The following CARHSP1 variants were observed in gnomAD, a reference collection of about 807,000 sequenced individuals.
CARHSP1 encodes calcium-regulated heat-stable protein 1.
Under a neutral mutation model 12.5 loss-of-function variants are expected in CARHSP1, and 14 were observed. The observed-to-expected ratio is 1.12, with a 90% CI of 0.74 to 1.75. The LOEUF is 1.75. CARHSP1 is among the 40% of genes most tolerant of loss of function. CARHSP1 has a pLI of 0.00. For synonymous variants in CARHSP1, 161 were observed against 82.0 expected (o/e 1.96, Z -5.20); for missense variants, 343 against 201.6 (o/e 1.70, Z -4.25).
intron 1 of CARHSP1, among the ~76,000 whole-genome samples, chr16:8,861,266 A>G (rs1232642188): frequency 1.5e-5 from 2 of 134,702 alleles, no homozygotes; most frequent in African/African-American, 5.7e-5. Flanking sequence ...GGATTCTCCC[A>G]CCTCTTCCTC....
intron 2 of CARHSP1, 106 bp from the exon 3 acceptor site, chr16:8,858,578 C>T (rs2061232342): frequency 2.9e-6 from 4 of 1,379,150 alleles, no homozygotes; most frequent in African/African-American, 1.4e-5. Flanking sequence ...CTGGCCAGGA[C>T]CGCCATGTAC....
At chr16:8,862,664 C>T (rs1045812965) in intron 1 of CARHSP1, among the ~76,000 whole-genome samples, 22 of 152,098 alleles carry the variant, frequency 1.4e-4, no homozygotes, top group African/African-American at 5.1e-4. Context: ...GAGGCTGTTC[C>T]AGGTATAGGG....
chr16:8,856,175 T>G (rs906383895), intron 3 of CARHSP1, among the ~76,000 whole-genome samples: 1 of 152,184 alleles, frequency 6.6e-6, no homozygotes, highest in African/African-American at 2.4e-5. Context: ...CCTCTCCCTG[T>G]GACCACCCCC....
chr16:8,863,851 C>T (rs916976907), intron 1 of CARHSP1, among the ~76,000 whole-genome samples: 2 of 152,190 alleles, frequency 1.3e-5, no homozygotes, highest in East Asian at 1.9e-4. Flanking sequence ...TACACACATA[C>T]ACAAGGATGG....
At chr16:8,865,630 C>T (rs191663660) in intron 1 of CARHSP1, among the ~76,000 whole-genome samples, 7 of 152,330 alleles carry the variant, frequency 4.6e-5, no homozygotes, top group Admixed American at 3.3e-4. Flanking sequence ...GGAGCCAGCC[C>T]ACTGCTGGCA....
In CARHSP1 at chr16:8,859,097, A is replaced by G. The variant is rs182582047; in HGVS notation, c.158+74T>C. The G allele has an allele frequency of 3.4e-4, 487 of 1,417,242 alleles. 2 individuals are homozygous for G. The Middle Eastern group carries it at 5.4e-3, about 16-fold the overall frequency. The allele number at this position is 1,417,242 out of a possible 1,614,324, so 87.8% of individuals were successfully genotyped here. A position where few individuals can be genotyped will look rare whatever the true frequency, so the allele number is the denominator to read the frequency against. Reference sequence around the variant, plus strand: ...CCGGGACATAGGCCCAAAAATGGCCAGAGACACAGTGAATCTCTGGCCTCA... The same window carrying G: ...CCGGGACATAGGCCCAAAAATGGCCGGAGACACAGTGAATCTCTGGCCTCA... On this transcript the variant is annotated intron_variant, in intron 2 of 3. Coordinates refer to ENST00000311052, the MANE Select transcript of CARHSP1 (RefSeq NM_014316.4).
rs1315960023 is a variant in CARHSP1, at chr16:8,857,263, G to GTTTTTTGTTTTTTGTTTTTTTT, written c.281+1086_281+1087insAAAAAAAACAAAAAACAAAAAA. ...TGGCTATGTGATCTTGGGCAGATCT[G>GTTTTTTGTTTTTTGTTTTTTTT]TTTTTTTTTTTTTTTTTTTTTTTTT... is the stretch of plus-strand genomic sequence containing the variant. On this transcript the variant is annotated intron_variant, in intron 3 of 3. Transcript: ENST00000311052. Among the ~76,000 whole-genome samples, 72 of 57,036 alleles carry GTTTTTTGTTTTTTGTTTTTTTT rather than the reference G, an allele frequency of 1.3e-3. 6 individuals are homozygous for GTTTTTTGTTTTTTGTTTTTTTT. The highest frequency in any genetic ancestry group is 5.4e-3 in the East Asian group (6 of 1,120). The allele number at this position is 57,036 out of a possible 152,430, so 37.4% of individuals were successfully genotyped here.
chr16:8,862,874 C>A (rs1371427412), intron 1 of CARHSP1, among the ~76,000 whole-genome samples: 3 of 152,118 alleles, frequency 2.0e-5, no homozygotes, highest in African/African-American at 7.2e-5. Context: ...ATTTGTCACA[C>A]CCATTTTCCC....
At chr16:8,861,158 ATTTTTTTTT>A (rs765114977) in intron 1 of CARHSP1, among the ~76,000 whole-genome samples, 2 of 51,268 alleles carry the variant, frequency 3.9e-5, no homozygotes, top group African/African-American at 8.6e-5. Context: ...TCCATGCCTA[ATTTTTTTTT>A]TTTTTTTTTT....
chr16:8,861,859 G>A (rs1343825558), intron 1 of CARHSP1: 20 of 1,180,016 alleles, frequency 1.7e-5, no homozygotes, highest in Non-Finnish European at 2.0e-5. Context: ...GGAGGGGAGG[G>A]CCCTGTCCAG....
At chr16:8,859,967 ACT>A (rs3075098) in intron 1 of CARHSP1, 11,777 of 182,034 alleles carry the variant, frequency 0.065, 602 homozygotes, top group Admixed American at 0.2. Context: ...ACAGAGCAAG[ACT>A]CTGTCTCAAA....
At chr16:8,866,443 C>G in intron 1 of CARHSP1, 1 of 985,406 alleles carries the variant, frequency 1.0e-6, no homozygotes, top group Non-Finnish European at 1.2e-6. Context: ...TGGGTTCCTC[C>G]TTTGTAAACA....
chr16:8,864,353 T>G (rs1005936711), intron 1 of CARHSP1, among the ~76,000 whole-genome samples: 1 of 152,158 alleles, frequency 6.6e-6, no homozygotes, highest in Non-Finnish European at 1.5e-5. Context: ...ACAGGGGACC[T>G]TGATGAACTC....
intron 1 of CARHSP1, chr16:8,866,406 A>T (rs1035540224): frequency 4.1e-6 from 4 of 982,302 alleles, no homozygotes; most frequent in Non-Finnish European, 3.6e-6. Flanking sequence ...AGACTCTAGC[A>T]GAGTAGCGAA....
At chr16:8,867,713 C>T (rs2061474311) in intron 1 of CARHSP1, 1 of 152,434 alleles carries the variant, frequency 6.6e-6, no homozygotes, top group Non-Finnish European at 1.5e-5. Context: ...TCACGGTCAT[C>T]ACCGAGGCCA....
chr16:8,859,439 T>C, intron 1 of CARHSP1, 104 bp from the exon 2 acceptor site: 1 of 1,037,292 alleles, frequency 9.6e-7, no homozygotes, highest in Non-Finnish European at 1.4e-6. Flanking sequence ...GGCTCATTCC[T>C]CTCGGGCACC....
chr16:8,865,256 T>C (rs150862797), intron 1 of CARHSP1, among the ~76,000 whole-genome samples: 1 of 152,156 alleles, frequency 6.6e-6, no homozygotes, highest in East Asian at 1.9e-4. Flanking sequence ...ACTACAGGCA[T>C]GTACCACCAC....
At chr16:8,858,142 C>G (rs1027342934) in intron 3 of CARHSP1, 1 of 604,328 alleles carries the variant, frequency 1.7e-6, no homozygotes, top group Non-Finnish European at 2.9e-6. Flanking sequence ...AGCCTCACAT[C>G]CCCCAACACA....
intron 2 of CARHSP1, 44 bp from the exon 3 acceptor site, chr16:8,858,516 G>GGGCACA: frequency 6.2e-7 from 1 of 1,603,474 alleles, no homozygotes; most frequent in Non-Finnish European, 8.5e-7. Context: ...CAGCGCTCCT[G>GGGCACA]GGCACACAAA....
Sources: allele counts gnomAD v4.1 joint callset (sites outside exome capture counted in the v4.1 genomes callset), GRCh38; gene constraint gnomAD v4.1.1; transcripts MANE v1.5; gene names NCBI Gene and HGNC (gene_info 2026-07-23, HGNC 2026-07-21).